XPR1: variants seen among roughly 807,000 people sequenced by gnomAD.
XPR1 encodes the protein solute carrier family 53 member 1.
A neutral mutation model predicts 87.5 loss-of-function variants in XPR1; 28 were observed. That is an observed-to-expected ratio of 0.32 (90% CI 0.24 to 0.44). XPR1 has a LOEUF of 0.44. XPR1 is among the 20% of genes least tolerant of loss of function. The probability of loss-of-function intolerance (pLI) is 1.00; values close to 1 mark genes in which losing one functional copy is unlikely to be tolerated. For missense variants in XPR1, 559 were observed against 862.3 expected (o/e 0.65, Z 4.41); for synonymous variants, 300 against 306.1 (o/e 0.98, Z 0.21).
Position 180,886,065 on chromosome 1 carries a change from A to G in XPR1, c.*1999A>G, listed in dbSNP as rs144509229. Reference sequence around the variant, plus strand: ...TTGTTAAGCATGTCCCTTGGCCCAAATGGAAGAGGAAATGTTTAATTAATG... The same window carrying G: ...TTGTTAAGCATGTCCCTTGGCCCAAGTGGAAGAGGAAATGTTTAATTAATG... On this transcript the variant is annotated 3_prime_UTR_variant, in exon 15 of 15. Transcript: ENST00000367590. 3.6e-4 allele frequency: 55 copies of G among 152,286 alleles called. No individual in the cohort carries two copies. Among genetic ancestry groups the G allele is most frequent in the African/African-American group, 1.2e-3 (50 of 41,550 alleles). 9.4% of individuals were successfully genotyped at this position (152,286 alleles called of 1,614,324 possible).
intron 1 of XPR1, among the ~76,000 whole-genome samples, chr1:180,663,478 T>C (rs1655846906): frequency 6.6e-6 from 1 of 152,190 alleles, no homozygotes; most frequent in African/African-American, 2.4e-5. Context: ...CATCTTTTAC[T>C]TTGTCCTAGA....
At chr1:180,672,115 A>G (rs753568870) in intron 1 of XPR1, among the ~76,000 whole-genome samples, 74 of 152,240 alleles carry the variant, frequency 4.9e-4, no homozygotes, top group Non-Finnish European at 2.1e-4. Context: ...ATGTCAGAGA[A>G]TATTAGTGCA....
chr1:180,875,138 C>T (rs1652619700), intron 13 of XPR1, among the ~76,000 whole-genome samples: 1 of 152,134 alleles, frequency 6.6e-6, no homozygotes, highest in African/African-American at 2.4e-5. Flanking sequence ...AAAAAGATAA[C>T]TCAAAAGTCC....
intron 11 of XPR1, among the ~76,000 whole-genome samples, chr1:180,845,390 A>G (rs1651643325): frequency 6.6e-6 from 1 of 152,246 alleles, no homozygotes; most frequent in Non-Finnish European, 1.5e-5. Context: ...GAAATAATCT[A>G]ACAAATGTTC....
At chr1:180,641,634 G>A (rs1654964789) in intron 1 of XPR1, among the ~76,000 whole-genome samples, 1 of 152,174 alleles carries the variant, frequency 6.6e-6, no homozygotes, top group African/African-American at 2.4e-5. Context: ...AATGGCTTAA[G>A]TGAGTTGCTT....
At chr1:180,655,404 T>C (rs1655422908) in intron 1 of XPR1, among the ~76,000 whole-genome samples, 1 of 149,474 alleles carries the variant, frequency 6.7e-6, no homozygotes, top group African/African-American at 2.5e-5. Flanking sequence ...CTCTCTCTTT[T>C]TTTTTTTTTT....
intron 2 of XPR1, among the ~76,000 whole-genome samples, chr1:180,763,942 G>A (rs1456682033): frequency 6.6e-6 from 1 of 152,180 alleles, no homozygotes; most frequent in South Asian, 2.1e-4. Context: ...GGTTGTTGCT[G>A]TTGTCTAACA....
intron 4 of XPR1, 54 bp from the exon 5 acceptor site, chr1:180,806,008 A>G: frequency 6.3e-7 from 1 of 1,575,954 alleles, no homozygotes. Context: ...ATTCTTTTTC[A>G]TCATTTTTGA....
chr1:180,745,600 G>A (rs1557986335), intron 2 of XPR1, among the ~76,000 whole-genome samples: 1 of 152,192 alleles, frequency 6.6e-6, no homozygotes, highest in Non-Finnish European at 1.5e-5. Flanking sequence ...AAAAGGGGGG[G>A]ATGTTTCCTC....
intron 2 of XPR1, among the ~76,000 whole-genome samples, chr1:180,685,859 C>G (rs2101949728): frequency 6.6e-6 from 1 of 152,062 alleles, no homozygotes; most frequent in Non-Finnish European, 1.5e-5. Flanking sequence ...TTTATTGTGT[C>G]TATTTGATTC....
chr1:180,789,618 C>G (rs1571840156), intron 3 of XPR1, among the ~76,000 whole-genome samples: 1 of 151,502 alleles, frequency 6.6e-6, no homozygotes, highest in Non-Finnish European at 1.5e-5. Flanking sequence ...TGGGGTCTTG[C>G]TATGTTGCCC....
At chr1:180,761,393 G>T (rs1648023743) in intron 2 of XPR1, among the ~76,000 whole-genome samples, 1 of 152,120 alleles carries the variant, frequency 6.6e-6, no homozygotes, top group Non-Finnish European at 1.5e-5. Context: ...CTAATATCCA[G>T]AATCTACGAT....
chr1:180,850,833 C>T (rs540255647), intron 11 of XPR1, among the ~76,000 whole-genome samples: 22 of 152,018 alleles, frequency 1.4e-4, no homozygotes, highest in Non-Finnish European at 2.9e-4. Context: ...GTGGTACACA[C>T]CTGTATTTCT....
chr1:180,825,388 G>A (rs770059468), intron 9 of XPR1, 44 bp downstream of exon 9: 1 of 1,561,676 alleles, frequency 6.4e-7, no homozygotes, highest in South Asian at 1.2e-5. Context: ...TGGCATATTG[G>A]TTATTGACTT....
intron 3 of XPR1, among the ~76,000 whole-genome samples, chr1:180,791,849 ATTTC>A (rs1649403802): frequency 3.9e-5 from 6 of 152,156 alleles, no homozygotes; most frequent in African/African-American, 1.4e-4. Flanking sequence ...TTGAAACATG[ATTTC>A]TTTAAGTTAG....
intron 1 of XPR1, among the ~76,000 whole-genome samples, chr1:180,633,649 C>T (rs1402147858): frequency 6.6e-6 from 1 of 152,182 alleles, no homozygotes; most frequent in Non-Finnish European, 1.5e-5. Context: ...GCTTTATTGT[C>T]ACTCAATTTC....
chr1:180,787,387 C>T (rs1464122889), intron 2 of XPR1, among the ~76,000 whole-genome samples: 1 of 151,836 alleles, frequency 6.6e-6, no homozygotes, highest in African/African-American at 2.4e-5. Flanking sequence ...CTGCAACCTC[C>T]ACCTACCTCA....
chr1:180,714,786 G>GT (rs112203235), intron 2 of XPR1, among the ~76,000 whole-genome samples: 6,584 of 148,524 alleles, frequency 0.044, 501 homozygotes, highest in African/African-American at 0.15. Flanking sequence ...TCTTTTTCTA[G>GT]TTTTTTTTTT....
intron 2 of XPR1, among the ~76,000 whole-genome samples, chr1:180,744,773 C>T (rs1197605327): frequency 6.6e-6 from 1 of 151,112 alleles, no homozygotes; most frequent in Non-Finnish European, 1.5e-5. Context: ...GCCTTAGCCT[C>T]TTGAGTAGCT....
Sources: gnomAD v4.1 joint callset for allele counts (sites outside exome capture counted in the v4.1 genomes callset) on GRCh38, gnomAD v4.1.1 for gene constraint, MANE v1.5 for transcripts, NCBI Gene and HGNC (gene_info 2026-07-23, HGNC 2026-07-21) for gene names.